The following ROBO1 variants were observed in gnomAD, a reference collection of about 807,000 sequenced individuals.
The protein encoded by ROBO1 is roundabout homolog 1.
In ROBO1, 149 loss-of-function variants were observed where a neutral mutation model predicts 195.9. The observed-to-expected ratio is 0.76, with a 90% CI of 0.67 to 0.87. The LOEUF (loss-of-function observed/expected upper bound fraction) is 0.87, where lower values mean the gene tolerates loss of function less well. ROBO1 is among the 40% of genes least tolerant of loss of function. ROBO1 has a pLI of 0.00. For missense variants in ROBO1, 1,933 were observed against 2,068.3 expected, an observed-to-expected ratio of 0.93 and a Z score of 1.27; for synonymous variants, 816 against 733.2, an observed-to-expected ratio of 1.11 and a Z score of -1.82.
chr3:78,817,358 G>A (rs2030167591), intron 4 of ROBO1, among the ~76,000 whole-genome samples: 2 of 151,746 alleles, frequency 1.3e-5, no homozygotes, highest in South Asian at 4.2e-4. Context: ...TTTTTTTTAA[G>A]ATAACAGTTC....
chr3:79,278,117 A>C (rs1204089226), intron 2 of ROBO1, among the ~76,000 whole-genome samples: 1 of 152,130 alleles, frequency 6.6e-6, no homozygotes, highest in East Asian at 1.9e-4. Flanking sequence ...AGGAGATGAA[A>C]GACATTTTCA....
intron 2 of ROBO1, among the ~76,000 whole-genome samples, chr3:79,434,500 A>G (rs2038807074): frequency 6.6e-6 from 1 of 152,146 alleles, no homozygotes; most frequent in Non-Finnish European, 1.5e-5. Context: ...AGAAATGCAA[A>G]TCAAAACCAC....
At chr3:79,535,683 TAATAA>T (rs1941830401) in intron 2 of ROBO1, among the ~76,000 whole-genome samples, 1 of 152,158 alleles carries the variant, frequency 6.6e-6, no homozygotes, top group Non-Finnish European at 1.5e-5. Flanking sequence ...TTTTTTTATG[TAATAA>T]AATAGATTGA....
intron 2 of ROBO1, among the ~76,000 whole-genome samples, chr3:79,507,579 A>G (rs1456672390): frequency 6.6e-6 from 1 of 152,078 alleles, no homozygotes; most frequent in African/African-American, 2.4e-5. Flanking sequence ...ATTTTATTGT[A>G]TTGTTCATCA....
intron 2 of ROBO1, among the ~76,000 whole-genome samples, chr3:79,425,030 G>A (rs912259836): frequency 6.6e-6 from 1 of 152,110 alleles, no homozygotes; most frequent in Non-Finnish European, 1.5e-5. Flanking sequence ...TTCATGCCTA[G>A]AACTGCCTGG....
chr3:79,086,259 A>G (rs1458552228), intron 3 of ROBO1, among the ~76,000 whole-genome samples: 1 of 152,138 alleles, frequency 6.6e-6, no homozygotes, highest in East Asian at 1.9e-4. Flanking sequence ...GGAGGTGACC[A>G]TACCACAGTT....
intron 2 of ROBO1, among the ~76,000 whole-genome samples, chr3:79,284,698 G>A (rs965787497): frequency 1.3e-5 from 2 of 152,030 alleles, no homozygotes; most frequent in African/African-American, 4.8e-5. Context: ...AGAATATCAA[G>A]GTAAATGGAA....
chr3:79,328,223 T>C (rs2034295346), intron 2 of ROBO1, among the ~76,000 whole-genome samples: 1 of 152,154 alleles, frequency 6.6e-6, no homozygotes, highest in African/African-American at 2.4e-5. Context: ...TTACTTTAAG[T>C]GCAAATGCAT....
At chr3:79,419,456 T>C (rs1254954630) in intron 2 of ROBO1, among the ~76,000 whole-genome samples, 3 of 152,114 alleles carry the variant, frequency 2.0e-5, no homozygotes, top group African/African-American at 7.2e-5. Flanking sequence ...AGCTACACGT[T>C]TGACATGTTG....
At chr3:79,492,370 A>G (rs1448933330) in intron 2 of ROBO1, among the ~76,000 whole-genome samples, 1 of 140,936 alleles carries the variant, frequency 7.1e-6, no homozygotes, top group Non-Finnish European at 1.5e-5. Context: ...GGTTGCAGTG[A>G]GCTGAGATAG....
At chr3:79,271,819 G>A (rs949674067) in intron 2 of ROBO1, among the ~76,000 whole-genome samples, 7 of 152,026 alleles carry the variant, frequency 4.6e-5, no homozygotes, top group African/African-American at 1.4e-4. Flanking sequence ...GGTTTGGTAA[G>A]TGAATGAATG....
chr3:79,395,846 G>GT (rs921980600), intron 2 of ROBO1, among the ~76,000 whole-genome samples: 1 of 151,830 alleles, frequency 6.6e-6, no homozygotes, highest in African/African-American at 2.4e-5. Flanking sequence ...TGGATACACA[G>GT]TTTTTTTCTG....
intron 4 of ROBO1, among the ~76,000 whole-genome samples, chr3:78,863,551 C>G (rs1278405635): frequency 6.6e-6 from 1 of 152,128 alleles, no homozygotes; most frequent in Non-Finnish European, 1.5e-5. Flanking sequence ...ATCTCCCTAC[C>G]ACTGAGCCAA....
intron 1 of ROBO1, among the ~76,000 whole-genome samples, chr3:79,737,077 A>T (rs1703422740): frequency 1.3e-5 from 2 of 152,174 alleles, no homozygotes; most frequent in Non-Finnish European, 2.9e-5. Flanking sequence ...AACATTAGGC[A>T]AAATTCAGTG....
At chr3:79,554,018 G>A (rs552339039) in intron 2 of ROBO1, among the ~76,000 whole-genome samples, 29 of 151,954 alleles carry the variant, frequency 1.9e-4, no homozygotes, top group Non-Finnish European at 3.7e-4. Flanking sequence ...AATGTCTTTC[G>A]GCATTTTGGG....
In ROBO1 at chr3:79,379,690, G is replaced by A. The variant is rs369859584; in HGVS notation, c.88+210134C>T. Among the ~76,000 whole-genome samples the A allele has an allele frequency of 2.6e-4, 40 of 152,270 alleles. 1 individual carries two copies. The East Asian group carries it at 4.1e-3, about 15-fold the overall frequency. On this transcript the variant is annotated intron_variant, in intron 2 of 30. Transcript: ENST00000464233. ...AATATTGTAAGATAAGGCTATGTTT[G>A]TATTTATTTTTATTAAACATCTAAT...
chr3:79,183,338 G>A (rs927909643), intron 2 of ROBO1, among the ~76,000 whole-genome samples: 1 of 152,152 alleles, frequency 6.6e-6, no homozygotes, highest in Non-Finnish European at 1.5e-5. Context: ...TCTGGCAGTA[G>A]ATGGATGAAT....
chr3:79,502,540 A>G (rs942421438), intron 2 of ROBO1, among the ~76,000 whole-genome samples: 2 of 151,604 alleles, frequency 1.3e-5, no homozygotes, highest in Non-Finnish European at 2.9e-5. Flanking sequence ...TGAGCCTCCC[A>G]GACGAGCGCC....
chr3:78,838,145 A>T (rs2106702101), intron 4 of ROBO1, among the ~76,000 whole-genome samples: 1 of 152,338 alleles, frequency 6.6e-6, no homozygotes, highest in Non-Finnish European at 1.5e-5. Context: ...TGTTTTTTAA[A>T]GTTTAATTCA....
Sources: allele counts gnomAD v4.1 joint callset (sites outside exome capture counted in the v4.1 genomes callset), GRCh38; gene constraint gnomAD v4.1.1; transcripts MANE v1.5; gene names NCBI Gene and HGNC (gene_info 2026-07-23, HGNC 2026-07-21).